The following IL17RD variants were observed in gnomAD, a reference collection of about 807,000 sequenced individuals.
The protein encoded by IL17RD is interleukin 17 receptor D, also known as interleukin-17 receptor D.
In IL17RD, 52 loss-of-function variants were observed where a neutral mutation model predicts 80.5. The observed-to-expected ratio is 0.65, with a 90% confidence interval of 0.52 to 0.81. The LOEUF is 0.81. Ranked by LOEUF, IL17RD falls within the 40% of genes least tolerant of loss-of-function variation. The probability of loss-of-function intolerance (pLI) is 0.00; values close to 1 mark genes in which losing one functional copy is unlikely to be tolerated. For synonymous variants in IL17RD, 416 were observed against 391.8 expected (o/e 1.06, Z -0.73); for missense variants, 1,024 against 955.1 (o/e 1.07, Z -0.95).
chr3:57,097,959 A>G lies in IL17RD; in HGVS notation c.1744T>C (p.Phe582Leu). Residue 582 changes from phenylalanine (F) to leucine (L), a missense_variant, in exon 12 of 13, where the codon TTT becomes CTT. Physicochemically the swap from Phe to Leu is conservative, Grantham distance 22. Transcript: ENST00000296318. ...LRYREPVLEK[F>L]DSGLVLNDVM... The stretch of plus-strand genomic sequence containing the variant: ...TCATTTAAAACCAAGCCCGAATCAA[A>G]TTTCTCCAAGACTGGCTCCCGGTAG... The G allele has an allele frequency of 6.2e-7, 1 of 1,614,042 alleles. No homozygotes were observed. Among genetic ancestry groups the G allele is most frequent in the Non-Finnish European group, 8.5e-7 (1 of 1,179,902 alleles).
chr3:57,108,264 C>T (rs1707009646), intron 5 of IL17RD, among the ~76,000 whole-genome samples: 1 of 151,772 alleles, frequency 6.6e-6, no homozygotes, highest in Admixed American at 6.6e-5. Context: ...CCATGTTGAC[C>T]AGGTTGGTCT....
intron 1 of IL17RD, among the ~76,000 whole-genome samples, chr3:57,123,971 G>C (rs1482125942): frequency 2.0e-5 from 3 of 152,142 alleles, no homozygotes; most frequent in African/African-American, 7.2e-5. Context: ...CTTGAACCCG[G>C]GAGGCGGAGG....
intron 1 of IL17RD, among the ~76,000 whole-genome samples, chr3:57,127,972 A>T (rs1310219083): frequency 6.6e-6 from 1 of 152,218 alleles, no homozygotes; most frequent in Non-Finnish European, 1.5e-5. Context: ...GAGAAGCCCC[A>T]GGTGATGTAA....
At chr3:57,157,067 G>A (rs1324933642) in intron 1 of IL17RD, among the ~76,000 whole-genome samples, 1 of 152,210 alleles carries the variant, frequency 6.6e-6, no homozygotes, top group African/African-American at 2.4e-5. Flanking sequence ...GGGAAAGCTA[G>A]AGAGTGGTAT....
rs1255073870 is a variant in IL17RD, at chr3:57,113,170, C to A, written c.310+1522G>T. 2.6e-5 allele frequency among the ~76,000 whole-genome samples: 4 copies of A among 152,350 alleles called. No individual in the cohort carries two copies. In the East Asian group the frequency reaches 5.8e-4, roughly 22 times the overall value. ...CATTCAAGAGGACAAGCAGATTTAG[C>A]CCCAACCCGAATCTAGCCATATAAT... On this transcript the variant is annotated intron_variant, in intron 3 of 12. Transcript: ENST00000296318.
intron 1 of IL17RD, among the ~76,000 whole-genome samples, chr3:57,139,504 A>G (rs1419203255): frequency 2.0e-5 from 3 of 148,982 alleles, no homozygotes; most frequent in Non-Finnish European, 4.4e-5. Flanking sequence ...GGTACATGCA[A>G]TGAAAATTTC....
chr3:57,141,425 T>C (rs1707825845), intron 1 of IL17RD, among the ~76,000 whole-genome samples: 1 of 152,206 alleles, frequency 6.6e-6, no homozygotes, highest in South Asian at 2.1e-4. Flanking sequence ...CTATTTTTTG[T>C]ATTGTTAGCA....
In IL17RD at chr3:57,102,515, T is replaced by A. The variant is rs372919399; in HGVS notation, c.943A>T (p.Thr315Ser). The change falls in exon 10 of 13, where the codon ACG becomes TCG. Residue 315 changes from threonine to serine, a missense_variant. Physicochemically the swap from Thr to Ser is moderately conservative, Grantham distance 58 (BLOSUM62 1). Coordinates refer to ENST00000296318, the MANE Select transcript of IL17RD (RefSeq NM_017563.5). Reference sequence around the variant, plus strand: ...TTGCGGCACATCACAGTGAAGAGCGTCGCGAATGCCGATATGACTACCAGT... The same window carrying A: ...TTGCGGCACATCACAGTGAAGAGCGACGCGAATGCCGATATGACTACCAGT... ...VPLVVISAFA[T>S]LFTVMCRKKQ... 38 of 1,580,134 alleles carry A rather than the reference T, an allele frequency of 2.4e-5. No homozygotes were observed. In the Admixed American group the frequency reaches 5.9e-4, roughly 24 times the overall value.
intron 1 of IL17RD, among the ~76,000 whole-genome samples, chr3:57,131,734 T>C (rs1055436512): frequency 5.9e-5 from 9 of 152,378 alleles, no homozygotes; most frequent in Non-Finnish European, 1.2e-4. Context: ...GTGGTGCATG[T>C]GTGCACACAC....
Position 57,114,711 on chromosome 3 carries a change from A to C in IL17RD, c.291T>G (p.Leu97=). ...ACTCACCGAGGGCCCCTGGGGACCAAAGAATGGTGACTGCCACTTGGTCAT... is the reference window on the plus strand; with the variant it reads ...ACTCACCGAGGGCCCCTGGGGACCACAGAATGGTGACTGCCACTTGGTCAT... ...ACHDQVAVTI[L]WSPGALGIEF... is the part of the protein sequence containing the mutation. The change falls in exon 3 of 13, where the codon CTT becomes CTG. Residue 97 remains leucine, a synonymous_variant. Coordinates refer to ENST00000296318, the MANE Select transcript of IL17RD (RefSeq NM_017563.5). 6.2e-7 allele frequency: 1 copy of C among 1,611,532 alleles called. No individual in the cohort carries two copies. Among genetic ancestry groups the C allele is most frequent in the Non-Finnish European group, 8.5e-7 (1 of 1,179,182 alleles).
intron 7 of IL17RD, among the ~76,000 whole-genome samples, chr3:57,104,965 C>T (rs1164606192): frequency 6.6e-6 from 1 of 152,146 alleles, no homozygotes; most frequent in Non-Finnish European, 1.5e-5. Context: ...CTCTTCTGAC[C>T]ACTCCCAGTT....
intron 1 of IL17RD, among the ~76,000 whole-genome samples, chr3:57,162,809 A>T (rs2060314529): frequency 6.6e-6 from 1 of 152,228 alleles, no homozygotes; most frequent in Non-Finnish European, 1.5e-5. Flanking sequence ...TAAAGAAACT[A>T]GTCTGAAGAC....
chr3:57,119,653 GTTTCACAC>G (rs1707291790), intron 2 of IL17RD, among the ~76,000 whole-genome samples: 1 of 151,786 alleles, frequency 6.6e-6, no homozygotes, highest in South Asian at 2.1e-4. Flanking sequence ...CTGGAACCCA[GTTTCACAC>G]AGATTCACCT....
rs367770231 is a variant in IL17RD, at chr3:57,104,360, T to C, written c.795A>G (p.Pro265=). 5.0e-6 allele frequency: 8 copies of C among 1,608,442 alleles called. No homozygotes were observed. Among genetic ancestry groups the C allele is most frequent in the Middle Eastern group, 3.3e-4 (2 of 6,052 alleles). Residue 265 remains proline (P), a synonymous_variant, in exon 8 of 13, where the codon CCA becomes CCG. Coordinates refer to ENST00000296318, the MANE Select transcript of IL17RD (RefSeq NM_017563.5). The part of the protein sequence containing the change: ...TTSCLLQNVS[P]GDYIIELVDD... ...TGCATACCTCAATTATATAATCCCC[T>C]GGAGAAACATTTTGAAGGAGGCAGC... is the stretch of plus-strand genomic sequence containing the variant.
rs139568925 is a variant in IL17RD, at chr3:57,163,426, G to A, written c.126+1735C>T. On this transcript the variant is annotated intron_variant, in intron 1 of 12. Transcript: ENST00000296318. The stretch of plus-strand genomic sequence containing the variant: ...AGAAGAAAATCACCAGCCTGGCTCC[G>A]TCAGGGCACTACCATACCCCACAGC... Among the ~76,000 whole-genome samples, 384 of 152,216 alleles carry A rather than the reference G, an allele frequency of 2.5e-3. 3 individuals are homozygous for A. Among genetic ancestry groups the A allele is most frequent in the African/African-American group, 8.8e-3 (365 of 41,530 alleles).
chr3:57,105,076 C>T (rs1052813662), intron 7 of IL17RD, among the ~76,000 whole-genome samples: 3 of 152,172 alleles, frequency 2.0e-5, no homozygotes, highest in African/African-American at 7.2e-5. Flanking sequence ...GATTTTTCCA[C>T]TTACTAGCTG....
chr3:57,098,084 C>G lies in IL17RD; in HGVS notation c.1619G>C (p.Arg540Pro). ...RRNYFRSKSG[R>P]SLYVAICNMH... ...GTTGCAAATGGCGACGTATAGGGAC[C>G]GGCCTGACTTGCTCCGGAAGTAGTT... is the stretch of plus-strand genomic sequence containing the variant. The change falls in exon 12 of 13, where the codon CGG becomes CCG. Residue 540 changes from arginine (R) to proline (P), a missense_variant. Transcript: ENST00000296318. 1 of 1,613,976 alleles carries G rather than the reference C, an allele frequency of 6.2e-7. No homozygotes were observed. The highest frequency in any genetic ancestry group is 1.3e-5 in the African/African-American group (1 of 75,034).
chr3:57,100,166 G>C (rs1485257751), intron 11 of IL17RD, among the ~76,000 whole-genome samples: 1 of 152,188 alleles, frequency 6.6e-6, no homozygotes, highest in African/African-American at 2.4e-5. Context: ...TTGGTTGCCC[G>C]TGGTATCTGA....
chr3:57,107,171 G>A (rs1706983303), intron 5 of IL17RD, among the ~76,000 whole-genome samples: 1 of 152,120 alleles, frequency 6.6e-6, no homozygotes, highest in Admixed American at 6.5e-5. Context: ...GAGATCAGGA[G>A]ATCAAGACCA....
Sources: gnomAD v4.1 joint callset for allele counts (sites outside exome capture counted in the v4.1 genomes callset) on GRCh38, gnomAD v4.1.1 for gene constraint, MANE v1.5 for transcripts, NCBI Gene and HGNC (gene_info 2026-07-23, HGNC 2026-07-21) for gene names.